Variants in FNDC3A observed in about 807,000 individuals in gnomAD.
The protein encoded by FNDC3A is fibronectin type-III domain-containing protein 3A.
In FNDC3A, 32 loss-of-function variants were observed where a neutral mutation model predicts 148.9. The observed-to-expected ratio is 0.21, with a 90% CI of 0.16 to 0.29. The LOEUF is 0.29. Among genes scored for constraint, FNDC3A ranks in the 10% least tolerant of loss-of-function variants. The probability of loss-of-function intolerance (pLI) is 1.00; values close to 1 mark genes in which losing one functional copy is unlikely to be tolerated. For missense variants in FNDC3A, 1,191 were observed against 1,452.8 expected (o/e 0.82, Z 2.93); for synonymous variants, 472 against 473.6 (o/e 1.00, Z 0.04).
Position 49,001,022 on chromosome 13 carries a change from C to CTG in FNDC3A, c.-39-5127_-39-5126dup, listed in dbSNP as rs143366418. On this transcript the variant is annotated intron_variant, in intron 1 of 25. Transcript: ENST00000492622. The stretch of plus-strand genomic sequence containing the variant: ...TTTTCTACCTATAAGATTATATTGT[C>CTG]TGTGAACAGAGGTAATTTTATTTCT... 5.3e-3 allele frequency among the ~76,000 whole-genome samples: 799 copies of CTG among 151,672 alleles called. 14 individuals are homozygous for CTG. In the East Asian group the frequency reaches 0.066, roughly 13 times the overall value.
intron 14 of FNDC3A, among the ~76,000 whole-genome samples, chr13:49,181,950 AT>A (rs1480676855): frequency 6.6e-6 from 1 of 152,102 alleles, no homozygotes; most frequent in Non-Finnish European, 1.5e-5. Flanking sequence ...AAAAATTTAA[AT>A]GATAAAGAAG....
At chr13:49,039,099 G>C (rs576403140) in intron 2 of FNDC3A, among the ~76,000 whole-genome samples, 1 of 152,144 alleles carries the variant, frequency 6.6e-6, no homozygotes, top group South Asian at 2.1e-4. Context: ...TATTTTTCCT[G>C]TTCTCTTTTG....
intron 2 of FNDC3A, among the ~76,000 whole-genome samples, chr13:49,051,567 A>G (rs555507656): frequency 7.9e-5 from 12 of 152,286 alleles, no homozygotes; most frequent in African/African-American, 2.9e-4. Flanking sequence ...TTTTCCTTTT[A>G]CAGGTTACCT....
At chr13:49,158,910 G>A (rs1438912710) in intron 8 of FNDC3A, among the ~76,000 whole-genome samples, 1 of 152,210 alleles carries the variant, frequency 6.6e-6, no homozygotes, top group Non-Finnish European at 1.5e-5. Context: ...TGTCAGGTTT[G>A]TCAAAGATCA....
intron 10 of FNDC3A, among the ~76,000 whole-genome samples, chr13:49,170,821 A>C (rs984153736): frequency 1.3e-5 from 2 of 152,216 alleles, no homozygotes; most frequent in African/African-American, 4.8e-5. Context: ...CTAGAGGATC[A>C]GTCTTAGGTT....
intron 8 of FNDC3A, among the ~76,000 whole-genome samples, chr13:49,152,738 A>G (rs1245024114): frequency 2.1e-5 from 3 of 144,296 alleles, no homozygotes; most frequent in African/African-American, 7.8e-5. Flanking sequence ...CTCATTGTTC[A>G]GTTCCCACCT....
At chr13:49,045,705 T>G in intron 2 of FNDC3A, 1 of 1,155,676 alleles carries the variant, frequency 8.7e-7, no homozygotes, top group Non-Finnish European at 1.2e-6. Flanking sequence ...ACCAATAGCT[T>G]GGACCTCTTG....
intron 8 of FNDC3A, among the ~76,000 whole-genome samples, chr13:49,161,088 T>C (rs1438804153): frequency 6.6e-6 from 1 of 152,232 alleles, no homozygotes; most frequent in Non-Finnish European, 1.5e-5. Context: ...GAGAAGAATG[T>C]ATATTCTATT....
At chr13:49,037,661 G>A (rs573724619) in intron 2 of FNDC3A, among the ~76,000 whole-genome samples, 1 of 152,302 alleles carries the variant, frequency 6.6e-6, no homozygotes, top group Admixed American at 6.5e-5. Flanking sequence ...TGGAGATAGG[G>A]TGAAACGGGA....
At chr13:49,176,885 T>G (rs977827539) in intron 13 of FNDC3A, among the ~76,000 whole-genome samples, 1 of 152,144 alleles carries the variant, frequency 6.6e-6, no homozygotes, top group Non-Finnish European at 1.5e-5. Context: ...ACTTCAGCCT[T>G]GAACTCCTGG....
chr13:49,189,675 A>T (rs1290601868), intron 17 of FNDC3A, among the ~76,000 whole-genome samples: 1 of 152,188 alleles, frequency 6.6e-6, no homozygotes, highest in African/African-American at 2.4e-5. Flanking sequence ...CTTGTGCTCC[A>T]GTTGCTTCAT....
At position 49,028,952 on chromosome 13, in the gene FNDC3A, C is replaced by T. The variant is rs564791190; in HGVS notation, c.99+22663C>T. On this transcript the variant is annotated intron_variant, in intron 2 of 25. Transcript: ENST00000492622. ...GTCCATTATAGGGTATATACTAGGTCATAAAACTAGCAAGCTTCAATAGTA... is the reference window on the plus strand; with the variant it reads ...GTCCATTATAGGGTATATACTAGGTTATAAAACTAGCAAGCTTCAATAGTA... 5.9e-5 allele frequency among the ~76,000 whole-genome samples: 9 copies of T among 152,236 alleles called. No individual in the cohort carries two copies. In the East Asian group the frequency reaches 1.7e-3, roughly 29 times the overall value.
chr13:48,981,594 T>C (rs141277503), intron 1 of FNDC3A, among the ~76,000 whole-genome samples: 1 of 152,112 alleles, frequency 6.6e-6, no homozygotes, highest in Non-Finnish European at 1.5e-5. Context: ...CTATACTTGC[T>C]TATTTTTAAA....
At chr13:49,125,749 A>G (rs1340436613) in intron 4 of FNDC3A, among the ~76,000 whole-genome samples, 3 of 152,140 alleles carry the variant, frequency 2.0e-5, no homozygotes, top group African/African-American at 4.8e-5. Context: ...TAAATAAAAC[A>G]TTTATTGTGG....
At chr13:49,028,683 T>A (rs1015639010) in intron 2 of FNDC3A, among the ~76,000 whole-genome samples, 2 of 152,208 alleles carry the variant, frequency 1.3e-5, no homozygotes, top group African/African-American at 4.8e-5. Flanking sequence ...AAGAAGGATG[T>A]TTTATAATGA....
chr13:49,113,384 C>A (rs1227314837), intron 3 of FNDC3A, among the ~76,000 whole-genome samples: 1 of 151,926 alleles, frequency 6.6e-6, no homozygotes, highest in African/African-American at 2.4e-5. Context: ...CTAGCTCTCT[C>A]ATCTCCCTAG....
At chr13:49,020,255 C>T (rs1355769096) in intron 2 of FNDC3A, among the ~76,000 whole-genome samples, 1 of 151,810 alleles carries the variant, frequency 6.6e-6, no homozygotes, top group Non-Finnish European at 1.5e-5. Flanking sequence ...ATTAAAAAAA[C>T]CTGAATTAAG....
intron 8 of FNDC3A, among the ~76,000 whole-genome samples, chr13:49,151,655 C>T (rs1428639925): frequency 6.6e-6 from 1 of 151,938 alleles, no homozygotes; most frequent in Non-Finnish European, 1.5e-5. Context: ...ATACATGTGC[C>T]ATGTTGGTGT....
chr13:48,987,644 G>A (rs549770569), intron 1 of FNDC3A, among the ~76,000 whole-genome samples: 6 of 152,296 alleles, frequency 3.9e-5, no homozygotes, highest in African/African-American at 1.4e-4. Context: ...CTTTCCAGTG[G>A]ATGTGGGATT....
Sources: gnomAD v4.1 joint callset for allele counts (sites outside exome capture counted in the v4.1 genomes callset) on GRCh38, gnomAD v4.1.1 for gene constraint, MANE v1.5 for transcripts, NCBI Gene and HGNC (gene_info 2026-07-23, HGNC 2026-07-21) for gene names.